The following RPL13 variants were observed in gnomAD, a reference collection of about 807,000 sequenced individuals.
RPL13 encodes the protein ribosomal protein L13, also known as large ribosomal subunit protein eL13.
Under a neutral mutation model 21.4 loss-of-function variants are expected in RPL13, and 1 was observed. The ratio of observed to expected loss-of-function variants is 0.05; its 90% confidence interval spans 0.02 to 0.22. The LOEUF is 0.22. RPL13 is among the 10% of genes least tolerant of loss of function. The probability of loss-of-function intolerance (pLI) is 1.00; values close to 1 mark genes in which losing one functional copy is unlikely to be tolerated. For missense variants in RPL13, 289 were observed against 303.0 expected (o/e 0.95, Z 0.34); for synonymous variants, 143 against 120.5 (o/e 1.19, Z -1.23).
At position 89,562,181 on chromosome 16, in the gene RPL13, G is replaced by C. The variant is rs2058750080; in HGVS notation, c.421-154G>C. The C allele has an allele frequency of 4.2e-6, 3 of 714,970 alleles. No individual in the cohort carries two copies. In the South Asian group the frequency reaches 4.9e-5, roughly 12 times the overall value. 44.3% of individuals were successfully genotyped at this position (714,970 alleles called of 1,614,324 possible). On this transcript the variant is annotated intron_variant, in intron 4 of 5. Transcript: ENST00000311528. Reference sequence around the variant, plus strand: ...TATAGTCACCTAACTAATAAGGACTGTTCTTAACATTGGGGCCACAAAGTG... The same window carrying C: ...TATAGTCACCTAACTAATAAGGACTCTTCTTAACATTGGGGCCACAAAGTG...
chr16:89,565,209 G>A (rs1378820691), downstream of RPL13: 1 of 151,744 alleles, frequency 6.6e-6, no homozygotes, highest in Non-Finnish European at 1.5e-5. Flanking sequence ...CCCTGCTGTT[G>A]GCCGGTGCTC....
downstream of RPL13, chr16:89,565,196 G>A (rs2058776365): frequency 6.6e-6 from 1 of 152,314 alleles, no homozygotes; most frequent in East Asian, 1.9e-4. Flanking sequence ...CTGTTGTCTG[G>A]GGCCCTGCTG....
chr16:89,563,090 ACGTGGTGTGTTT>A lies in RPL13; in HGVS notation c.*54_*65del, dbSNP rs1294165118. 1 of 1,434,812 alleles carries A rather than the reference ACGTGGTGTGTTT, an allele frequency of 7.0e-7. No homozygotes were observed. The highest frequency in any genetic ancestry group is 1.5e-5 in the South Asian group (1 of 65,956). The allele number at this position is 1,434,812 out of a possible 1,614,324, so 88.9% of individuals were successfully genotyped here. A position where few individuals can be genotyped will look rare whatever the true frequency, so the allele number is the denominator to read the frequency against. On this transcript the variant is annotated 3_prime_UTR_variant, in exon 6 of 6. Coordinates refer to ENST00000311528, the MANE Select transcript of RPL13 (RefSeq NM_000977.4). ...CAGTCGGCAGTCATGCTGGGTCTCC[ACGTGGTGTGTTT>A]CGTGGGAACAACTGGGCCTGGGATG...
At chr16:89,566,415 C>T (rs2058791735), downstream of RPL13, 2 of 152,222 alleles carry the variant, frequency 1.3e-5, no homozygotes, top group South Asian at 2.1e-4. Flanking sequence ...CACAATTTTC[C>T]TCCATGTATT....
At chr16:89,561,462 G>A in intron 3 of RPL13, 94 bp downstream of exon 3, 1 of 1,612,118 alleles carries the variant, frequency 6.2e-7, no homozygotes, top group Non-Finnish European at 8.5e-7. Flanking sequence ...TCGCTGTACG[G>A]CCTTGATGAA....
chr16:89,563,903 G>A lies in RPL13; in HGVS notation c.*861G>A, dbSNP rs12709089. ...GTATGAGATGGCCCTGCCAAGTGTCGGCCTCTCCTGTTAAACAAAAACATT... is the reference window on the plus strand; with the variant it reads ...GTATGAGATGGCCCTGCCAAGTGTCAGCCTCTCCTGTTAAACAAAAACATT... On this transcript the variant is annotated 3_prime_UTR_variant, in exon 6 of 6. Coordinates refer to ENST00000311528, the MANE Select transcript of RPL13 (RefSeq NM_000977.4). The A allele has an allele frequency of 0.17, 26,445 of 152,092 alleles. 2,413 individuals carry two copies. The highest frequency in any genetic ancestry group is 0.2 in the African/African-American group (8,187 of 41,468). 9.4% of individuals were successfully genotyped at this position (152,092 alleles called of 1,614,324 possible).
chr16:89,561,197 GGTGA>G, intron 2 of RPL13, 26 bp from the exon 3 acceptor site: 1 of 1,530,972 alleles, frequency 6.5e-7, no homozygotes, highest in African/African-American at 1.4e-5. Context: ...CTTAGGCAAG[GGTGA>G]CCGCCGCTGC....
chr16:89,564,595 T>C (rs1008494281), downstream of RPL13: 5 of 152,210 alleles, frequency 3.3e-5, no homozygotes, highest in African/African-American at 4.8e-5. Context: ...GAGGCAGAGA[T>C]TGCAGTGAGC....
At position 89,563,092 on chromosome 16, in the gene RPL13, G is replaced by C. The variant is rs142800937; in HGVS notation, c.*50G>C. On this transcript the variant is annotated 3_prime_UTR_variant, in exon 6 of 6. Transcript: ENST00000311528. The stretch of plus-strand genomic sequence containing the variant: ...GTCGGCAGTCATGCTGGGTCTCCAC[G>C]TGGTGTGTTTCGTGGGAACAACTGG... 7.0e-7 allele frequency: 1 copy of C among 1,432,022 alleles called. No homozygotes were observed. Among genetic ancestry groups the C allele is most frequent in the Admixed American group, 2.9e-5 (1 of 34,358 alleles). 88.7% of individuals were successfully genotyped at this position (1,432,022 alleles called of 1,614,324 possible). A position where few individuals can be genotyped will look rare whatever the true frequency, so the allele number is the denominator to read the frequency against.
chr16:89,562,475 T>C, intron 5 of RPL13, 84 bp downstream of exon 5: 1 of 1,360,158 alleles, frequency 7.4e-7, no homozygotes, highest in South Asian at 1.3e-5. Flanking sequence ...GTGATGGGGG[T>C]CAGGCTTAAG....
At chr16:89,565,377 T>A (rs1333755808), downstream of RPL13, 3 of 152,504 alleles carry the variant, frequency 2.0e-5, no homozygotes, top group East Asian at 5.8e-4. Context: ...TTCCTGGGGC[T>A]GAGGAAGGCT....
intron 4 of RPL13, 134 bp downstream of exon 4, chr16:89,561,885 C>A (rs901550710): frequency 1.0e-6 from 1 of 984,076 alleles, no homozygotes; most frequent in African/African-American, 1.6e-5. Flanking sequence ...CTAAGCGGGA[C>A]TGCTAAGGTT....
chr16:89,562,573 AC>A, intron 5 of RPL13, 182 bp downstream of exon 5: 1 of 608,818 alleles, frequency 1.6e-6, no homozygotes, highest in Non-Finnish European at 2.8e-6. Context: ...ATGAAGCCAT[AC>A]ATTGGGAAGT....
Position 89,561,643 on chromosome 16 carries a change from C to G in RPL13, c.312C>G (p.Asn104Lys). Reference protein sequence around the residue: ...IGISVDPRRRNKSTESLQANV... With the variant: ...IGISVDPRRRKKSTESLQANV... ...TTTCTGTGGATCCGAGGAGGCGGAA[C>G]AAGTCCACGGAGTCCCTGCAGGCCA... The change falls in exon 4 of 6, where the codon AAC becomes AAG. Residue 104 changes from asparagine (N) to lysine (K), a missense_variant. Transcript: ENST00000311528. 1.2e-6 allele frequency: 2 copies of G among 1,613,842 alleles called. No homozygotes were observed. The highest frequency in any genetic ancestry group is 1.7e-6 in the Non-Finnish European group (2 of 1,180,032).
chr16:89,564,460 A>C lies in RPL13; in HGVS notation c.*1418A>C, dbSNP rs1406357408. 1.3e-5 allele frequency: 2 copies of C among 152,206 alleles called. No homozygotes were observed. Among genetic ancestry groups the C allele is most frequent in the African/African-American group, 2.4e-5 (1 of 41,434 alleles). The allele number at this position is 152,206 out of a possible 1,614,324, so 9.4% of individuals were successfully genotyped here. On this transcript the variant is annotated 3_prime_UTR_variant, in exon 6 of 6. Transcript: ENST00000311528. ...TGCAGTGGCTCACGCCTGTAATCCT[A>C]ACACTGGGAGGCCGAGGCGGGTGGA...
Position 89,562,988 on chromosome 16 carries a change from A to G in RPL13, c.582A>G (p.Ile194Met). The G allele has an allele frequency of 1.9e-6, 3 of 1,580,194 alleles. No homozygotes were observed. Among genetic ancestry groups the G allele is most frequent in the Non-Finnish European group, 2.6e-6 (3 of 1,163,678 alleles). The change falls in exon 6 of 6, where the codon ATA (isoleucine) becomes ATG (methionine). Residue 194 changes from isoleucine (I) to methionine (M), a missense_variant. Coordinates refer to ENST00000311528, the MANE Select transcript of RPL13 (RefSeq NM_000977.4). ...MARANARLFG[I>M]RAKRAKEAAE... Reference sequence around the variant, plus strand: ...GTGCCAACGCCCGGCTCTTCGGCATACGGGCAAAAAGAGCCAAGGAAGCCG... The same window carrying G: ...GTGCCAACGCCCGGCTCTTCGGCATGCGGGCAAAAAGAGCCAAGGAAGCCG...
In RPL13 at chr16:89,563,177, G is replaced by C. The variant is rs541567801; in HGVS notation, c.*135G>C. ...CTGCCAGGGGATTTGGGGCTTTCTT[G>C]AAAGACAGTCCAAGCCCTGGATAAT... On this transcript the variant is annotated 3_prime_UTR_variant, in exon 6 of 6. Transcript: ENST00000311528. 2 of 843,790 alleles carry C rather than the reference G, an allele frequency of 2.4e-6. No individual in the cohort carries two copies. The highest frequency in any genetic ancestry group is 6.6e-5 in the East Asian group (2 of 30,520). 52.3% of individuals were successfully genotyped at this position (843,790 alleles called of 1,614,324 possible). A position where few individuals can be genotyped will look rare whatever the true frequency, so the allele number is the denominator to read the frequency against.
chr16:89,565,030 T>C (rs1405745950), downstream of RPL13: 1 of 152,264 alleles, frequency 6.6e-6, no homozygotes, highest in Non-Finnish European at 1.5e-5. Flanking sequence ...TCAGGTATCA[T>C]CTGTGCACCT....
rs139947650 is a variant in RPL13 at position 89,562,880 on chromosome 16, C to T, written c.478-4C>T. ...GGGTTTAACAACCTGTCTTTCTCTTCTAGGTCTATAAGAAGGAGAAAGCTC... is the reference window on the plus strand; with the variant it reads ...GGGTTTAACAACCTGTCTTTCTCTTTTAGGTCTATAAGAAGGAGAAAGCTC... On this transcript the variant is annotated splice_polypyrimidine_tract_variant and splice_region_variant and intron_variant, in intron 5 of 5. Coordinates refer to ENST00000311528, the MANE Select transcript of RPL13 (RefSeq NM_000977.4). 38 of 1,556,458 alleles carry T rather than the reference C, an allele frequency of 2.4e-5. No individual in the cohort carries two copies. Among genetic ancestry groups the T allele is most frequent in the Middle Eastern group, 3.4e-4 (2 of 5,816 alleles).
Sources: gnomAD v4.1 joint callset for allele counts on GRCh38, gnomAD v4.1.1 for gene constraint, MANE v1.5 for transcripts, NCBI Gene and HGNC (gene_info 2026-07-23, HGNC 2026-07-21) for gene names.